Variants in TLN2 observed in about 807,000 individuals in gnomAD.
The protein encoded by TLN2 is talin-2.
In TLN2, 118 loss-of-function variants were observed where a neutral mutation model predicts 294.7. The observed-to-expected ratio is 0.40, with a 90% CI of 0.34 to 0.47. TLN2 has a LOEUF of 0.47. Among genes scored for constraint, TLN2 ranks in the 20% least tolerant of loss-of-function variants. TLN2 has a pLI of 0.84. For synonymous variants in TLN2, 1,431 were observed against 1,304.5 expected, an observed-to-expected ratio of 1.10 and a Z score of -2.09; for missense variants, 3,083 against 3,282.2, an observed-to-expected ratio of 0.94 and a Z score of 1.48.
At chr15:62,675,413 C>T (rs1246856883) in intron 11 of TLN2, 92 bp downstream of exon 11, 36 of 1,305,874 alleles carry the variant, frequency 2.8e-5, no homozygotes, top group Non-Finnish European at 3.7e-5. Flanking sequence ...TTGTCCTGCT[C>T]ACCCCCCTAG....
At chr15:62,757,757 C>T (rs1417746386) in intron 37 of TLN2, among the ~76,000 whole-genome samples, 1 of 152,138 alleles carries the variant, frequency 6.6e-6, no homozygotes, top group East Asian at 1.9e-4. Flanking sequence ...CCTCCGTCTC[C>T]TGGCGCACCC....
intron 58 of TLN2, among the ~76,000 whole-genome samples, chr15:62,839,667 G>C (rs933734443): frequency 6.6e-6 from 1 of 152,168 alleles, no homozygotes; most frequent in Non-Finnish European, 1.5e-5. Context: ...TTATTTATCC[G>C]CATCAGGAGC....
chr15:62,668,311 T>C (rs1457606093), intron 9 of TLN2, among the ~76,000 whole-genome samples: 1 of 152,228 alleles, frequency 6.6e-6, no homozygotes, highest in Non-Finnish European at 1.5e-5. Flanking sequence ...ATATATTATA[T>C]GAAAACATCA....
intron 1 of TLN2, among the ~76,000 whole-genome samples, chr15:62,548,803 A>G (rs2042132902): frequency 6.6e-6 from 1 of 152,212 alleles, no homozygotes; most frequent in Admixed American, 6.5e-5. Flanking sequence ...AAATCTATCC[A>G]GGCAGAAAGG....
At chr15:62,511,336 A>T (rs909490972) in intron 1 of TLN2, among the ~76,000 whole-genome samples, 3 of 152,252 alleles carry the variant, frequency 2.0e-5, no homozygotes, top group African/African-American at 7.2e-5. Flanking sequence ...ATGAAAATTC[A>T]ACACCTGTCC....
chr15:62,787,854 G>A (rs1352013383), intron 45 of TLN2, among the ~76,000 whole-genome samples: 1 of 150,480 alleles, frequency 6.6e-6, no homozygotes, highest in African/African-American at 2.4e-5. Context: ...ATCATGCCAG[G>A]CTGATTTTTG....
intron 3 of TLN2, among the ~76,000 whole-genome samples, chr15:62,646,287 C>T (rs765269225): frequency 3.3e-5 from 5 of 151,992 alleles, no homozygotes; most frequent in African/African-American, 9.7e-5. Context: ...CTCAGCCTCC[C>T]GAGTAGCTGG....
chr15:62,779,341 GT>G (rs375722939), intron 43 of TLN2, among the ~76,000 whole-genome samples: 28 of 151,986 alleles, frequency 1.8e-4, no homozygotes, highest in African/African-American at 6.8e-4. Context: ...CTTTGTTTTT[GT>G]TTTCGTTTTG....
intron 1 of TLN2, among the ~76,000 whole-genome samples, chr15:62,432,370 T>G (rs1313929605): frequency 6.6e-6 from 1 of 152,156 alleles, no homozygotes; most frequent in Non-Finnish European, 1.5e-5. Context: ...TGGCTTCTGG[T>G]GAGGGCCTTC....
rs573622240 is a variant in TLN2, at chr15:62,454,994, A to C, written c.-238+64309A>C. On this transcript the variant is annotated intron_variant, in intron 1 of 58. Coordinates refer to ENST00000636159, the MANE Select transcript of TLN2 (RefSeq NM_015059.3). Reference sequence around the variant, plus strand: ...TTTCCTCCCCCCGGGGGGCTGACAGAATCAAACTTGTGAAATACTGAACAC... The same window carrying C: ...TTTCCTCCCCCCGGGGGGCTGACAGCATCAAACTTGTGAAATACTGAACAC... 7.2e-5 allele frequency among the ~76,000 whole-genome samples: 11 copies of C among 152,270 alleles called. No homozygotes were observed. In the South Asian group the frequency reaches 1.9e-3, roughly 26 times the overall value.
chr15:62,404,375 A>G (rs1022722962), intron 1 of TLN2, among the ~76,000 whole-genome samples: 19 of 152,164 alleles, frequency 1.2e-4, no homozygotes, highest in African/African-American at 4.3e-4. Flanking sequence ...AGTGTTTATC[A>G]TGGACCTTAA....
At chr15:62,604,697 T>C (rs1279917128) in intron 2 of TLN2, among the ~76,000 whole-genome samples, 5 of 134,470 alleles carry the variant, frequency 3.7e-5, no homozygotes, top group African/African-American at 9.4e-5. Context: ...TCGTCTTCTT[T>C]TTTTTTTTTT....
At chr15:62,707,039 G>A in intron 19 of TLN2, 47 bp from the exon 20 acceptor site, 21 of 1,551,332 alleles carry the variant, frequency 1.4e-5, no homozygotes, top group Non-Finnish European at 1.8e-5. Context: ...GCTGTGAAAG[G>A]TGATTAGAGA....
chr15:62,739,895 A>G (rs77065614), intron 31 of TLN2, among the ~76,000 whole-genome samples: 2,339 of 152,246 alleles, frequency 0.015, 66 homozygotes, highest in African/African-American at 0.054. Flanking sequence ...ATATATATGT[A>G]TTTGAGGTTT....
At chr15:62,748,288 G>A (rs117077400) in intron 32 of TLN2, 63 bp from the exon 33 acceptor site, 17,135 of 1,244,390 alleles carry the variant, frequency 0.014, 148 homozygotes, top group Non-Finnish European at 0.018. Context: ...AGCCTGCAAA[G>A]CATTGTAGGG....
chr15:62,714,225 CAG>C (rs2059625983), intron 22 of TLN2, among the ~76,000 whole-genome samples: 1 of 102,252 alleles, frequency 9.8e-6, no homozygotes, highest in Non-Finnish European at 1.8e-5. Context: ...TTTTTTGAGA[CAG>C]AGTCTCACTC....
chr15:62,562,349 TG>T (rs1280762846), intron 1 of TLN2, among the ~76,000 whole-genome samples: 1 of 152,080 alleles, frequency 6.6e-6, no homozygotes, highest in East Asian at 1.9e-4. Flanking sequence ...GCCTGACACC[TG>T]GCATCCTGGG....
Position 62,702,904 on chromosome 15 carries a change from A to G in TLN2, c.2004+40A>G, listed in dbSNP as rs760876918. On this transcript the variant is annotated intron_variant, in intron 19 of 58. Transcript: ENST00000636159. ...GGCTTATAGTCATGGAAAGAAGTCT[A>G]AGTGATGGTCTAGACCCGAGCAGGC... is the stretch of plus-strand genomic sequence containing the variant. 4 of 1,582,250 alleles carry G rather than the reference A, an allele frequency of 2.5e-6. No homozygotes were observed. In the East Asian group the frequency reaches 8.9e-5, roughly 35 times the overall value.
At chr15:62,835,222 A>G (rs930088463) in intron 55 of TLN2, 19 of 154,618 alleles carry the variant, frequency 1.2e-4, no homozygotes, top group African/African-American at 4.6e-4. Context: ...CCCCTGACAA[A>G]TGGTATTTCC....
Sources: gnomAD v4.1 joint callset for allele counts (sites outside exome capture counted in the v4.1 genomes callset) on GRCh38, gnomAD v4.1.1 for gene constraint, MANE v1.5 for transcripts, NCBI Gene and HGNC (gene_info 2026-07-23, HGNC 2026-07-21) for gene names.